The following CDH1 variants were observed in gnomAD, a reference collection of about 807,000 sequenced individuals.
CDH1 encodes the protein cadherin-1.
A neutral mutation model predicts 84.5 loss-of-function variants in CDH1; 35 were observed. The ratio of observed to expected loss-of-function variants is 0.41; its 90% CI spans 0.32 to 0.55. The LOEUF (loss-of-function observed/expected upper bound fraction) is 0.55, where lower values mean the gene tolerates loss of function less well. Ranked by LOEUF, CDH1 falls within the 20% of genes least tolerant of loss-of-function variation. The pLI is 0.19. For missense variants in CDH1, 994 were observed against 1,126.6 expected, an observed-to-expected ratio of 0.88 and a Z score of 1.68; for synonymous variants, 417 against 439.0, an observed-to-expected ratio of 0.95 and a Z score of 0.63.
intron 2 of CDH1, among the ~76,000 whole-genome samples, chr16:68,751,225 ATG>A (rs1962875931): frequency 6.6e-6 from 1 of 152,152 alleles, no homozygotes; most frequent in African/African-American, 2.4e-5. Context: ...AGTCCTTTCT[ATG>A]ACTTCTGAGG....
At chr16:68,779,686 G>T (rs553851712) in intron 2 of CDH1, among the ~76,000 whole-genome samples, 35 of 152,216 alleles carry the variant, frequency 2.3e-4, no homozygotes, top group South Asian at 2.3e-3. Flanking sequence ...ATGAAACCTC[G>T]TCTCTACTAA....
At chr16:68,755,097 T>A (rs1431068591) in intron 2 of CDH1, among the ~76,000 whole-genome samples, 9 of 151,756 alleles carry the variant, frequency 5.9e-5, no homozygotes, top group Admixed American at 3.9e-4. Flanking sequence ...CTGGGCATGA[T>A]AGAACCCCGC....
chr16:68,745,459 G>A (rs1385671087), intron 2 of CDH1, among the ~76,000 whole-genome samples: 38 of 148,244 alleles, frequency 2.6e-4, no homozygotes, highest in Non-Finnish European at 5.9e-5. Flanking sequence ...GGGGGATTGC[G>A]TGAAGCCCGG....
In CDH1 at chr16:68,822,114, C is replaced by T. The variant is rs1567512385; in HGVS notation, c.1825C>T (p.Pro609Ser). ...TIFFCERNPK[P>S]QVINIIDADL... ...ATTCTTCTGTGAGAGGAATCCAAAG[C>T]CTCAGGTCATAAACATCATTGATGC... The change falls in exon 12 of 16, where the codon CCT becomes TCT. Residue 609 changes from proline to serine, a missense_variant. By Grantham distance (74) the Pro-to-Ser change is moderately conservative. Around this residue, in one of 3 missense-constraint regions of CDH1, gnomAD observed 769 missense variants for 881.8 expected, o/e 0.87. Coordinates refer to ENST00000261769, the MANE Select transcript of CDH1 (RefSeq NM_004360.5). The T allele has an allele frequency of 6.2e-7, 1 of 1,614,084 alleles. No homozygotes were observed. Among genetic ancestry groups the T allele is most frequent in the Non-Finnish European group, 8.5e-7 (1 of 1,179,946 alleles).
At chr16:68,831,195 C>G (rs1961475580) in intron 15 of CDH1, among the ~76,000 whole-genome samples, 1 of 148,776 alleles carries the variant, frequency 6.7e-6, no homozygotes, top group African/African-American at 2.5e-5. Flanking sequence ...TCTCCTGGCT[C>G]AGCCTCCCGA....
At chr16:68,804,102 C>CTTTTTTT (rs10563852) in intron 3 of CDH1, among the ~76,000 whole-genome samples, 5 of 75,092 alleles carry the variant, frequency 6.7e-5, no homozygotes, top group Admixed American at 1.7e-4. Context: ...ATCTGTCTGC[C>CTTTTTTT]TTTTTTTTTT....
rs587781312 is a variant in CDH1, at chr16:68,833,324, C to T, written c.2474C>T (p.Pro825Leu). ...GCGGCTGATACTGACCCCACAGCCC[C>T]GCCTTATGATTCTCTGCTCGTGTTT... Reference protein sequence around the residue: ...LKAADTDPTAPPYDSLLVFDY... With the variant: ...LKAADTDPTALPYDSLLVFDY... The change falls in exon 16 of 16, where the codon CCG becomes CTG. Residue 825 changes from proline to leucine, a missense_variant. This residue lies in a region of CDH1 where 769 missense variants were observed against 881.8 expected (regional missense o/e 0.87). Coordinates refer to ENST00000261769, the MANE Select transcript of CDH1 (RefSeq NM_004360.5). 69 of 1,614,024 alleles carry T rather than the reference C, an allele frequency of 4.3e-5. No individual in the cohort carries two copies. The highest frequency in any genetic ancestry group is 3.3e-4 in the Middle Eastern group (2 of 6,084).
intron 2 of CDH1, among the ~76,000 whole-genome samples, chr16:68,743,122 T>G (rs1962610203): frequency 6.6e-6 from 1 of 152,160 alleles, no homozygotes. Flanking sequence ...TTTTATTGGG[T>G]GAGGCTTTTC....
intron 2 of CDH1, among the ~76,000 whole-genome samples, chr16:68,778,599 C>G (rs868707654): frequency 5.3e-5 from 8 of 152,146 alleles, no homozygotes; most frequent in African/African-American, 1.7e-4. Context: ...AGCTCCCTAC[C>G]TGCTGAAGGA....
chr16:68,823,555 C>A lies in CDH1; in HGVS notation c.2093C>A (p.Ala698Glu). The change falls in exon 13 of 16, where the codon GCA becomes GAA. Residue 698 changes from alanine (A) to glutamate (E), a missense_variant. By Grantham distance (107) the Ala-to-Glu change is moderately radical. This residue lies in a region of CDH1 where 769 missense variants were observed against 881.8 expected (regional missense o/e 0.87). Transcript: ENST00000261769. ...CEGAAGVCRK[A>E]QPVEAGLQIP... ...GGGGCCGCTGGCGTCTGTAGGAAGGCACAGCCTGTCGAAGCAGGATTGCAA... is the reference window on the plus strand; with the variant it reads ...GGGGCCGCTGGCGTCTGTAGGAAGGAACAGCCTGTCGAAGCAGGATTGCAA... 6.2e-7 allele frequency: 1 copy of A among 1,614,030 alleles called. No individual in the cohort carries two copies. The highest frequency in any genetic ancestry group is 8.5e-7 in the Non-Finnish European group (1 of 1,180,024).
intron 14 of CDH1, 129 bp downstream of exon 14, chr16:68,828,433 A>G: frequency 1.2e-6 from 1 of 868,542 alleles, no homozygotes. Context: ...GCCTTACCCA[A>G]GAAAGTAGAC....
chr16:68,783,399 AAAAAAG>A (rs1959939620), intron 2 of CDH1, among the ~76,000 whole-genome samples: 2 of 135,216 alleles, frequency 1.5e-5, no homozygotes, highest in Admixed American at 1.5e-4. Context: ...AAAAAAAAAA[AAAAAAG>A]AAAAAAGAAA....
intron 2 of CDH1, among the ~76,000 whole-genome samples, chr16:68,756,132 ATT>A (rs58200081): frequency 2.2e-4 from 27 of 124,474 alleles, no homozygotes; most frequent in South Asian, 1.2e-3. Flanking sequence ...TTTAGGGCAT[ATT>A]TTTTTTTTTT....
chr16:68,797,418 C>G (rs1960392230), intron 2 of CDH1, among the ~76,000 whole-genome samples: 1 of 151,642 alleles, frequency 6.6e-6, no homozygotes, highest in African/African-American at 2.4e-5. Context: ...CTCAGTCATT[C>G]ACTTCTGTAA....
At chr16:68,784,278 T>C (rs375150501) in intron 2 of CDH1, among the ~76,000 whole-genome samples, 2 of 152,206 alleles carry the variant, frequency 1.3e-5, no homozygotes, top group African/African-American at 4.8e-5. Context: ...CCCACATCTT[T>C]GCTGGTACAG....
At chr16:68,747,673 T>C (rs1962778384) in intron 2 of CDH1, among the ~76,000 whole-genome samples, 1 of 152,266 alleles carries the variant, frequency 6.6e-6, no homozygotes, top group Non-Finnish European at 1.5e-5. Context: ...TCCTAACATA[T>C]GATCCTTTTA....
intron 2 of CDH1, among the ~76,000 whole-genome samples, chr16:68,791,508 G>C (rs549950465): frequency 3.7e-4 from 55 of 150,210 alleles, no homozygotes; most frequent in African/African-American, 1.3e-3. Flanking sequence ...CTGCAGCCTC[G>C]ACCTCCTGTG....
At chr16:68,818,979 C>A (rs1961063055) in intron 10 of CDH1, among the ~76,000 whole-genome samples, 1 of 152,116 alleles carries the variant, frequency 6.6e-6, no homozygotes, top group African/African-American at 2.4e-5. Flanking sequence ...CCTCACCCTC[C>A]CCAGTAGCTG....
In CDH1 at chr16:68,825,803, C is replaced by CTTT. The variant is rs869187109; in HGVS notation, c.2164+2200_2164+2202dup. Among the ~76,000 whole-genome samples, 142 of 94,502 alleles carry CTTT rather than the reference C, an allele frequency of 1.5e-3. 7 individuals are homozygous for CTTT. Among genetic ancestry groups the CTTT allele is most frequent in the South Asian group, 6.1e-3 (17 of 2,796 alleles). The allele number at this position is 94,502 out of a possible 152,430, so 62.0% of individuals were successfully genotyped here. ...CCAGTACATTCATTCTAAAGGGAAT[C>CTTT]TTTTTTTTTTTTTTTTTTTTTTTTT... On this transcript the variant is annotated intron_variant, in intron 13 of 15. Coordinates refer to ENST00000261769, the MANE Select transcript of CDH1 (RefSeq NM_004360.5).
Sources: allele counts gnomAD v4.1 joint callset (sites outside exome capture counted in the v4.1 genomes callset), GRCh38; gene constraint gnomAD v4.1.1; regional missense constraint gnomAD v4.1.1; transcripts MANE v1.5; gene names NCBI Gene and HGNC (gene_info 2026-07-23, HGNC 2026-07-21).